CDH12: variants seen among roughly 807,000 people sequenced by gnomAD.
CDH12 encodes cadherin 12.
Under a neutral mutation model 74.1 loss-of-function variants are expected in CDH12, and 41 were observed. The observed-to-expected ratio is 0.55, with a 90% CI of 0.43 to 0.72. The LOEUF is 0.72. Ranked by LOEUF, CDH12 falls within the 30% of genes least tolerant of loss-of-function variation. The pLI, the probability that CDH12 is intolerant of heterozygous loss-of-function variation, is 0.00. For missense variants in CDH12, 945 were observed against 977.2 expected, an observed-to-expected ratio of 0.97 and a Z score of 0.44; for synonymous variants, 399 against 355.0, an observed-to-expected ratio of 1.12 and a Z score of -1.39.
intron 5 of CDH12, among the ~76,000 whole-genome samples, chr5:22,072,108 CT>C (rs1182251328): frequency 6.6e-6 from 1 of 152,024 alleles, no homozygotes; most frequent in African/African-American, 2.4e-5. Flanking sequence ...ATCTCTACAC[CT>C]TTTTCCCCGT....
intron 3 of CDH12, among the ~76,000 whole-genome samples, chr5:22,317,487 A>G (rs959025743): frequency 6.6e-6 from 1 of 152,194 alleles, no homozygotes; most frequent in Non-Finnish European, 1.5e-5. Flanking sequence ...GTATTTAAAG[A>G]GATTATAAGA....
chr5:22,321,679 T>A (rs558249744), intron 3 of CDH12, among the ~76,000 whole-genome samples: 2 of 152,270 alleles, frequency 1.3e-5, no homozygotes, highest in African/African-American at 4.8e-5. Flanking sequence ...AAGGCATCAC[T>A]ATACTTTTGC....
chr5:22,119,908 C>T (rs142522191), intron 4 of CDH12, among the ~76,000 whole-genome samples: 7 of 152,148 alleles, frequency 4.6e-5, no homozygotes, highest in African/African-American at 1.4e-4. Flanking sequence ...TAAAAGGATG[C>T]TAATAAAAAC....
intron 4 of CDH12, among the ~76,000 whole-genome samples, chr5:22,162,354 T>C (rs1344398963): frequency 6.6e-6 from 1 of 152,172 alleles, no homozygotes; most frequent in East Asian, 1.9e-4. Context: ...CCAGACTCAT[T>C]ATACCCTCCC....
chr5:22,357,084 C>T (rs989806032), intron 3 of CDH12, among the ~76,000 whole-genome samples: 4 of 151,800 alleles, frequency 2.6e-5, no homozygotes, highest in African/African-American at 4.8e-5. Context: ...TAGAGACAGC[C>T]AGATAGAGAT....
At chr5:22,617,318 C>T (rs1463187156) in intron 1 of CDH12, among the ~76,000 whole-genome samples, 1 of 152,070 alleles carries the variant, frequency 6.6e-6, no homozygotes, top group Non-Finnish European at 1.5e-5. Context: ...TGTTAGACTT[C>T]CCAGCCTCTG....
At chr5:22,565,855 T>A (rs965783886) in intron 1 of CDH12, among the ~76,000 whole-genome samples, 5 of 152,148 alleles carry the variant, frequency 3.3e-5, no homozygotes, top group African/African-American at 1.2e-4. Context: ...AATTACATTT[T>A]ATTTTTTATC....
chr5:22,669,828 C>T (rs1225670973), intron 1 of CDH12, among the ~76,000 whole-genome samples: 1 of 152,204 alleles, frequency 6.6e-6, no homozygotes, highest in Non-Finnish European at 1.5e-5. Context: ...ATTTCTGTTT[C>T]ATGTTATGAG....
intron 1 of CDH12, among the ~76,000 whole-genome samples, chr5:22,510,868 C>T (rs1736574645): frequency 6.6e-6 from 1 of 151,518 alleles, no homozygotes; most frequent in South Asian, 2.1e-4. Context: ...GAAAGAGAAA[C>T]AGTTTAAAAG....
At position 22,666,282 on chromosome 5, in the gene CDH12, C is replaced by CTTTTTTTTTTTTTTTTTTTTTTTTTTT. The variant is rs1161509257; in HGVS notation, c.-522-160919_-522-160918insAAAAAAAAAAAAAAAAAAAAAAAAAAA. ...TTATGGGATTTCTGTATCTCTCTAT[C>CTTTTTTTTTTTTTTTTTTTTTTTTTTT]TTTTTTTTTTTTTTTTTTTGTTTTT... is the stretch of plus-strand genomic sequence containing the variant. On this transcript the variant is annotated intron_variant, in intron 1 of 14. Coordinates refer to ENST00000382254, the MANE Select transcript of CDH12 (RefSeq NM_004061.5). Among the ~76,000 whole-genome samples, 6 of 83,542 alleles carry CTTTTTTTTTTTTTTTTTTTTTTTTTTT rather than the reference C, an allele frequency of 7.2e-5. 1 individual carries two copies. Among genetic ancestry groups the CTTTTTTTTTTTTTTTTTTTTTTTTTTT allele is most frequent in the Admixed American group, 4.6e-4 (3 of 6,518 alleles). The allele number at this position is 83,542 out of a possible 152,430, so 54.8% of individuals were successfully genotyped here. A position where few individuals can be genotyped will look rare whatever the true frequency, so the allele number is the denominator to read the frequency against.
chr5:22,142,123 C>G (rs925785412), intron 4 of CDH12, among the ~76,000 whole-genome samples: 3 of 152,076 alleles, frequency 2.0e-5, no homozygotes, highest in African/African-American at 7.2e-5. Flanking sequence ...GATTTTTGAA[C>G]AGGTTGAATT....
chr5:22,008,569 A>C (rs1237078224), intron 5 of CDH12, among the ~76,000 whole-genome samples: 1 of 152,108 alleles, frequency 6.6e-6, no homozygotes, highest in Non-Finnish European at 1.5e-5. Flanking sequence ...GAAGACCCTC[A>C]AGTTTCACAG....
chr5:22,517,939 C>T (rs937731640), intron 1 of CDH12, among the ~76,000 whole-genome samples: 1 of 152,184 alleles, frequency 6.6e-6, no homozygotes, highest in Non-Finnish European at 1.5e-5. Flanking sequence ...TGGCTTCCAA[C>T]CTCAACTGGG....
intron 1 of CDH12, among the ~76,000 whole-genome samples, chr5:22,569,636 G>A (rs1739450184): frequency 6.6e-6 from 1 of 152,104 alleles, no homozygotes; most frequent in African/African-American, 2.4e-5. Flanking sequence ...CATCTTACTA[G>A]GAGTAGATTT....
intron 1 of CDH12, among the ~76,000 whole-genome samples, chr5:22,716,358 G>C (rs1246249916): frequency 1.3e-5 from 2 of 152,014 alleles, no homozygotes; most frequent in East Asian, 3.9e-4. Context: ...GGTCCCATGA[G>C]ATTATAAAGG....
intron 1 of CDH12, among the ~76,000 whole-genome samples, chr5:22,535,799 T>C (rs959003134): frequency 6.6e-6 from 1 of 152,170 alleles, no homozygotes; most frequent in Non-Finnish European, 1.5e-5. Flanking sequence ...ACAGTAACTA[T>C]GGGGAGGGAT....
intron 6 of CDH12, among the ~76,000 whole-genome samples, chr5:21,878,797 GAAA>G (rs1752078118): frequency 1.7e-5 from 1 of 58,656 alleles, no homozygotes; most frequent in African/African-American, 3.4e-5. Context: ...AAGAAAGAAA[GAAA>G]GAAGAAAGAA....
intron 5 of CDH12, among the ~76,000 whole-genome samples, chr5:22,043,500 G>A (rs918587000): frequency 1.3e-4 from 19 of 151,804 alleles, no homozygotes; most frequent in Admixed American, 2.6e-4. Context: ...CACTAAACAG[G>A]GAAAGAAAGT....
chr5:22,425,739 A>C (rs1561394754), intron 2 of CDH12, among the ~76,000 whole-genome samples: 2 of 151,974 alleles, frequency 1.3e-5, no homozygotes, highest in African/African-American at 4.8e-5. Flanking sequence ...TTATTGTTTC[A>C]TTAAGTTTAT....
Sources: gnomAD v4.1 joint callset for allele counts (sites outside exome capture counted in the v4.1 genomes callset) on GRCh38, gnomAD v4.1.1 for gene constraint, MANE v1.5 for transcripts, NCBI Gene and HGNC (gene_info 2026-07-23, HGNC 2026-07-21) for gene names.